PDE1C: variants seen among roughly 807,000 people sequenced by gnomAD.
The protein encoded by PDE1C is dual specificity calcium/calmodulin-dependent 3',5'-cyclic nucleotide phosphodiesterase 1C.
Under a neutral mutation model 93.1 loss-of-function variants are expected in PDE1C, and 62 were observed. The observed-to-expected ratio is 0.67, with a 90% CI of 0.54 to 0.82. The LOEUF (loss-of-function observed/expected upper bound fraction) is 0.82, where lower values mean the gene tolerates loss of function less well. PDE1C is among the 40% of genes least tolerant of loss of function. PDE1C has a pLI of 0.00. For missense variants in PDE1C, 742 were observed against 884.6 expected (o/e 0.84, Z 2.04); for synonymous variants, 325 against 310.1 (o/e 1.05, Z -0.50).
chr7:31,760,676 T>A (rs771171875), intron 17 of PDE1C, among the ~76,000 whole-genome samples: 13 of 152,070 alleles, frequency 8.5e-5, no homozygotes, highest in East Asian at 1.9e-4. Context: ...TGGATATCTG[T>A]TTTTTCTCTT....
chr7:32,053,456 C>A (rs946561680), intron 1 of PDE1C, among the ~76,000 whole-genome samples: 8 of 152,296 alleles, frequency 5.3e-5, no homozygotes, highest in African/African-American at 1.9e-4. Context: ...GTGACCTGTG[C>A]CCTTGGACTC....
intron 2 of PDE1C, among the ~76,000 whole-genome samples, chr7:32,186,125 T>G (rs971823018): frequency 1.4e-5 from 2 of 147,752 alleles, no homozygotes; most frequent in Non-Finnish European, 3.0e-5. Flanking sequence ...AGACGGAGTC[T>G]CGCTCTGTCG....
chr7:31,912,027 T>C (rs1324212592), intron 2 of PDE1C, among the ~76,000 whole-genome samples: 1 of 152,108 alleles, frequency 6.6e-6, no homozygotes, highest in Non-Finnish European at 1.5e-5. Context: ...GTATTTTCAG[T>C]GTGTTAATTT....
At chr7:32,267,425 C>T (rs1209232457) in intron 1 of PDE1C, among the ~76,000 whole-genome samples, 3 of 152,010 alleles carry the variant, frequency 2.0e-5, no homozygotes, top group African/African-American at 7.2e-5. Flanking sequence ...AGAGGGGGCA[C>T]GTCCACGTAA....
At chr7:32,231,984 CACACACACACACAT>C (rs1807730155) in intron 1 of PDE1C, among the ~76,000 whole-genome samples, 1 of 141,684 alleles carries the variant, frequency 7.1e-6, no homozygotes, top group Admixed American at 7.0e-5. Flanking sequence ...CACACACACA[CACACACACACACAT>C]ATATGATGAA....
chr7:32,403,142 C>T (rs1235741304), intron 1 of PDE1C, among the ~76,000 whole-genome samples: 1 of 152,180 alleles, frequency 6.6e-6, no homozygotes, highest in Non-Finnish European at 1.5e-5. Context: ...TTTCTAAAAG[C>T]ATTTCAGTTC....
At chr7:31,845,258 G>C (rs1792413328) in intron 9 of PDE1C, among the ~76,000 whole-genome samples, 1 of 152,094 alleles carries the variant, frequency 6.6e-6, no homozygotes, top group Non-Finnish European at 1.5e-5. Flanking sequence ...GCTTATCCTA[G>C]AGTGTGTATC....
At chr7:32,294,224 T>C (rs1482299351) in intron 1 of PDE1C, among the ~76,000 whole-genome samples, 4 of 152,200 alleles carry the variant, frequency 2.6e-5, no homozygotes, top group African/African-American at 7.2e-5. Context: ...GCTTCTTGTT[T>C]TTCCTCCTCT....
the PDE1C span, among the ~76,000 whole-genome samples, chr7:31,639,302 T>C: frequency 6.6e-6 from 1 of 152,156 alleles, no homozygotes; most frequent in African/African-American, 2.4e-5. Context: ...AATCTCTATG[T>C]TTCATTTGGG....
chr7:31,734,276 C>T, the PDE1C span, among the ~76,000 whole-genome samples: 1 of 152,042 alleles, frequency 6.6e-6, no homozygotes, highest in African/African-American at 2.4e-5. Flanking sequence ...TCTGAATGGT[C>T]GTAAAGGTTA....
intron 16 of PDE1C, among the ~76,000 whole-genome samples, chr7:31,796,761 A>T (rs1257597552): frequency 6.6e-6 from 1 of 151,756 alleles, no homozygotes; most frequent in Admixed American, 6.6e-5. Context: ...GGGTTTAAGC[A>T]TCACTGAATT....
In PDE1C at chr7:32,133,827, T is replaced by C. The variant is rs189871656; in HGVS notation, c.308+35958A>G. Among the ~76,000 whole-genome samples, 13 of 152,196 alleles carry C rather than the reference T, an allele frequency of 8.5e-5. No individual in the cohort carries two copies. In the East Asian group the frequency reaches 2.1e-3, roughly 25 times the overall value. ...TCAATCTTAACCCAAATATCATAAT[T>C]ACCAGATAAAAAGTTGAAAGCAGCT... On this transcript the variant is annotated intron_variant, in intron 3 of 18. Coordinates refer to the PDE1C transcript ENST00000396193.
exon 1 of PDE1C, chr7:32,298,986 T>A: frequency 7.8e-7 from 1 of 1,277,718 alleles, no homozygotes. Context: ...CCAAGCCGAG[T>A]TCCAGAGGCG....
At chr7:32,013,737 T>C (rs1787481583) in intron 2 of PDE1C, among the ~76,000 whole-genome samples, 1 of 152,208 alleles carries the variant, frequency 6.6e-6, no homozygotes, top group Non-Finnish European at 1.5e-5. Flanking sequence ...GGACACAAAG[T>C]ACATTGATTT....
intron 1 of PDE1C, among the ~76,000 whole-genome samples, chr7:32,288,575 T>C (rs1009103888): frequency 2.0e-5 from 3 of 152,222 alleles, no homozygotes; most frequent in African/African-American, 7.2e-5. Context: ...TGGGATCTAG[T>C]CTGGCTCAAG....
At chr7:31,894,826 G>A (rs536691884) in intron 2 of PDE1C, among the ~76,000 whole-genome samples, 95 of 152,152 alleles carry the variant, frequency 6.2e-4, no homozygotes, top group African/African-American at 2.0e-3. Flanking sequence ...TTCCCACCAC[G>A]AGAACCCCCA....
intron 2 of PDE1C, among the ~76,000 whole-genome samples, chr7:31,983,200 T>C (rs1175327008): frequency 6.6e-6 from 1 of 152,226 alleles, no homozygotes; most frequent in Admixed American, 6.5e-5. Context: ...TCCCAATTAC[T>C]CCTGGTTACA....
At chr7:31,636,731 T>A in the PDE1C span, among the ~76,000 whole-genome samples, 6 of 151,600 alleles carry the variant, frequency 4.0e-5, no homozygotes, top group Non-Finnish European at 8.8e-5. Flanking sequence ...TTTTTAAAAA[T>A]TTTATTATTA....
At chr7:32,383,332 G>A (rs980803795) in intron 1 of PDE1C, among the ~76,000 whole-genome samples, 2 of 152,218 alleles carry the variant, frequency 1.3e-5, no homozygotes, top group African/African-American at 2.4e-5. Context: ...GCCCTGAACT[G>A]ACTACTCAAA....
Sources: allele counts gnomAD v4.1 joint callset (sites outside exome capture counted in the v4.1 genomes callset), GRCh38; gene constraint gnomAD v4.1.1; transcripts MANE v1.5; gene names NCBI Gene and HGNC (gene_info 2026-07-23, HGNC 2026-07-21).